Variants in CSGALNACT1 observed in about 807,000 individuals in gnomAD.
The protein encoded by CSGALNACT1 is beta4GalNAcT-1.
CSGALNACT1 carries 52 observed loss-of-function variants against 51.0 expected under a neutral mutation model. The observed-to-expected ratio is 1.02, with a 90% CI of 0.82 to 1.29. The LOEUF is 1.29. CSGALNACT1 is among the 50% of genes most tolerant of loss of function. The pLI, the probability that CSGALNACT1 is intolerant of heterozygous loss-of-function variation, is 0.00. For missense variants in CSGALNACT1, 935 were observed against 679.2 expected (o/e 1.38, Z -4.19); for synonymous variants, 341 against 254.4 (o/e 1.34, Z -3.24).
chr8:19,502,183 T>C (rs547786213), intron 4 of CSGALNACT1, among the ~76,000 whole-genome samples: 1 of 152,216 alleles, frequency 6.6e-6, no homozygotes, highest in East Asian at 1.9e-4. Flanking sequence ...AGGTGGCTTG[T>C]CCTGCCTGGG....
chr8:19,458,431 A>G (rs779333286), exon 5 of CSGALNACT1: 1 of 1,614,010 alleles, frequency 6.2e-7, no homozygotes, highest in Non-Finnish European at 8.5e-7. Context: ...CCAACCTGAA[A>G]TTCTGCATGA....
At chr8:19,522,385 C>T (rs1248351442) in intron 3 of CSGALNACT1, among the ~76,000 whole-genome samples, 2 of 152,164 alleles carry the variant, frequency 1.3e-5, no homozygotes, top group African/African-American at 4.8e-5. Flanking sequence ...AAATAACTCA[C>T]GTTCTTACCT....
intron 3 of CSGALNACT1, among the ~76,000 whole-genome samples, chr8:19,537,333 G>C (rs140474418): frequency 5.5e-4 from 84 of 152,256 alleles, no homozygotes; most frequent in African/African-American, 1.9e-3. Flanking sequence ...GACTCACAGA[G>C]GGTGTGCAGT....
intron 3 of CSGALNACT1, among the ~76,000 whole-genome samples, chr8:19,543,065 C>G (rs150991675): frequency 7.4e-4 from 112 of 152,246 alleles, no homozygotes; most frequent in African/African-American, 2.5e-3. Flanking sequence ...GTTACATATG[C>G]AAAATATAAC....
At chr8:19,506,108 T>A in exon 4 of CSGALNACT1, 1 of 635,120 alleles carries the variant, frequency 1.6e-6, no homozygotes, top group Non-Finnish European at 2.9e-6. Flanking sequence ...CTTCCTGATG[T>A]GCAGCCAACA....
chr8:19,692,292 G>A (rs1419390275), intron 1 of CSGALNACT1, among the ~76,000 whole-genome samples: 2 of 152,178 alleles, frequency 1.3e-5, no homozygotes, highest in Admixed American at 6.5e-5. Flanking sequence ...TTAAGGGGCT[G>A]GGAGAGCCTC....
intron 1 of CSGALNACT1, among the ~76,000 whole-genome samples, chr8:19,666,395 A>G (rs1401765134): frequency 1.3e-5 from 2 of 152,038 alleles, no homozygotes; most frequent in African/African-American, 4.8e-5. Context: ...CACCCAATTC[A>G]TCTATTAACA....
chr8:19,748,286 C>G (rs1340853822), intron 1 of CSGALNACT1, among the ~76,000 whole-genome samples: 1 of 152,150 alleles, frequency 6.6e-6, no homozygotes, highest in Non-Finnish European at 1.5e-5. Context: ...TCCTGTCAGT[C>G]TAGAACTTCA....
At chr8:19,551,341 C>G (rs557656530) in intron 3 of CSGALNACT1, among the ~76,000 whole-genome samples, 1 of 152,224 alleles carries the variant, frequency 6.6e-6, no homozygotes, top group East Asian at 1.9e-4. Flanking sequence ...GAGCAAGCAG[C>G]CCATGAAGCA....
rs200362196 is a variant in CSGALNACT1 at position 19,643,160 on chromosome 8, ATACAG to A, written c.-544+39308_-544+39312del. ...TTATATAGTATATTATGAACTATTA[ATACAG>A]TAAATTAAAATACTGAATAAAAATC... On this transcript the variant is annotated intron_variant, in intron 1 of 9. Coordinates refer to the CSGALNACT1 transcript ENST00000332246. Among the ~76,000 whole-genome samples, 242 of 152,232 alleles carry A rather than the reference ATACAG, an allele frequency of 1.6e-3. 4 individuals are homozygous for A. The East Asian group carries it at 0.038, about 24-fold the overall frequency.
chr8:19,712,257 C>A (rs930997492), intron 1 of CSGALNACT1, among the ~76,000 whole-genome samples: 1 of 152,072 alleles, frequency 6.6e-6, no homozygotes, highest in Non-Finnish European at 1.5e-5. Flanking sequence ...GATCTCCTGA[C>A]CTCGTGATCC....
chr8:19,731,425 T>C lies in CSGALNACT1; in HGVS notation c.-297+26425A>G, dbSNP rs149509952. Among the ~76,000 whole-genome samples, 1,211 of 152,316 alleles carry C rather than the reference T, an allele frequency of 8.0e-3. 14 individuals carry two copies. The highest frequency in any genetic ancestry group is 0.027 in the African/African-American group (1,142 of 41,572). ...TGGGAGGCTAAGGCACGAGACTCCC[T>C]GGAACCCGGGAGGTGGAGGGTGCAG... On this transcript the variant is annotated intron_variant, in intron 1 of 1. Transcript: ENST00000517494.
chr8:19,520,337 T>C (rs1049870133), intron 3 of CSGALNACT1, among the ~76,000 whole-genome samples: 1 of 152,152 alleles, frequency 6.6e-6, no homozygotes, highest in Non-Finnish European at 1.5e-5. Context: ...CAATAACACA[T>C]AAATGCAAGC....
Position 19,472,680 on chromosome 8 carries a change from C to T in CSGALNACT1, c.635-14038G>A, listed in dbSNP as rs201464895. ...CAATCAAAAGGATGTTTTAACTCTTCTTTCTTTTCTGTTCTTCCTTTCTTT... is the reference window on the plus strand; with the variant it reads ...CAATCAAAAGGATGTTTTAACTCTTTTTTCTTTTCTGTTCTTCCTTTCTTT... On this transcript the variant is annotated intron_variant, in intron 4 of 9. Coordinates refer to ENST00000454498, the Ensembl canonical transcript of CSGALNACT1. Among the ~76,000 whole-genome samples the T allele has an allele frequency of 4.6e-5, 7 of 152,330 alleles. No individual in the cohort carries two copies. In the East Asian group the frequency reaches 1.2e-3, roughly 25 times the overall value.
chr8:19,474,563 G>A (rs1212987419), intron 4 of CSGALNACT1, among the ~76,000 whole-genome samples: 1 of 151,938 alleles, frequency 6.6e-6, no homozygotes, highest in African/African-American at 2.4e-5. Flanking sequence ...ATTCACTCAA[G>A]GACCCATCAA....
intron 1 of CSGALNACT1, among the ~76,000 whole-genome samples, chr8:19,651,878 A>G (rs1015902352): frequency 6.6e-6 from 1 of 151,818 alleles, no homozygotes; most frequent in Non-Finnish European, 1.5e-5. Flanking sequence ...TTTACCAGCA[A>G]TTAATGTGTT....
intron 1 of CSGALNACT1, among the ~76,000 whole-genome samples, chr8:19,654,421 G>T (rs1215993076): frequency 6.6e-6 from 1 of 152,204 alleles, no homozygotes; most frequent in East Asian, 1.9e-4. Flanking sequence ...TTTCGAATCA[G>T]GTGAACTTAA....
intron 4 of CSGALNACT1, among the ~76,000 whole-genome samples, chr8:19,498,690 G>C (rs954876190): frequency 6.6e-6 from 1 of 152,150 alleles, no homozygotes; most frequent in African/African-American, 2.4e-5. Context: ...TTTCCCCTGA[G>C]CCTTTCCTGC....
chr8:19,509,983 G>T (rs935241943), intron 3 of CSGALNACT1, among the ~76,000 whole-genome samples: 1 of 152,292 alleles, frequency 6.6e-6, no homozygotes, highest in Admixed American at 6.5e-5. Context: ...AGAGTAGGGA[G>T]CAAGGAGTCC....
Sources: gnomAD v4.1 joint callset for allele counts (sites outside exome capture counted in the v4.1 genomes callset) on GRCh38, gnomAD v4.1.1 for gene constraint, MANE v1.5 for transcripts, NCBI Gene and HGNC (gene_info 2026-07-23, HGNC 2026-07-21) for gene names.